Variants in ARAF observed in about 807,000 individuals in gnomAD.
ARAF encodes the protein A-Raf proto-oncogene, serine/threonine kinase.
In ARAF, 18 loss-of-function variants were observed where a neutral mutation model predicts 48.0. The observed-to-expected ratio is 0.37, with a 90% CI of 0.26 to 0.56. ARAF has a LOEUF of 0.56. Among genes scored for constraint, ARAF ranks in the 20% least tolerant of loss-of-function variants. The probability of loss-of-function intolerance (pLI) is 0.77; values close to 1 mark genes in which losing one functional copy is unlikely to be tolerated. For synonymous variants in ARAF, 207 were observed against 220.1 expected, an observed-to-expected ratio of 0.94 and a Z score of 0.53; for missense variants, 389 against 543.1, an observed-to-expected ratio of 0.72 and a Z score of 2.82.
At chrX:47,568,661 T>G (rs2147907807) in intron 10 of ARAF, 57 bp from the exon 11 acceptor site, 7 of 1,138,057 alleles carry the variant, frequency 6.2e-6, no homozygotes, top group Non-Finnish European at 8.4e-6. Flanking sequence ...TGATGCTCGG[T>G]AAGTGACAGT....
rs922934473 is a variant in ARAF, at chrX:47,571,797, A to AT, written c.*344dup. ...TTGTGCCTGATGTGCCTTCCACTGG[A>AT]TTTTGGGGTTCCCAGCACCCCATGT... On this transcript the variant is annotated 3_prime_UTR_variant, in exon 16 of 16. Coordinates refer to ENST00000377045, the MANE Select transcript of ARAF (RefSeq NM_001654.5). The AT allele has an allele frequency of 1.7e-5, 4 of 233,651 alleles. No individual in the cohort carries two copies. The highest frequency in any genetic ancestry group is 1.1e-4 in the African/African-American group (4 of 35,195). 19.3% of individuals were successfully genotyped at this position (233,651 alleles called of 1,213,427 possible).
At chrX:47,563,142 G>A (rs1200147015) in intron 2 of ARAF, 79 bp downstream of exon 2, 1 of 1,148,618 alleles carries the variant, frequency 8.7e-7, no homozygotes, top group Non-Finnish European at 1.2e-6. Flanking sequence ...GACAACGGTT[G>A]GGGGAGGCCT....
rs760426547 is a variant in ARAF at position 47,569,348 on chromosome X, G to A, written c.1301-191G>A. 155 of 469,572 alleles carry A rather than the reference G, an allele frequency of 3.3e-4. 1 individual carries two copies. Among genetic ancestry groups the A allele is most frequent in the Non-Finnish European group, 5.2e-4 (141 of 270,462 alleles). 38.7% of individuals were successfully genotyped at this position (469,572 alleles called of 1,213,427 possible). On this transcript the variant is annotated intron_variant, in intron 12 of 15. Coordinates refer to ENST00000377045, the MANE Select transcript of ARAF (RefSeq NM_001654.5). ...GGGCTTCCTGTTCAGGAGTCACAGC[G>A]GGGCTGAGTGTGGGGGGCATTAGCA...
At chrX:47,566,851 C>T (rs2147905946) in intron 7 of ARAF, 33 bp from the exon 8 acceptor site, 1 of 1,211,794 alleles carries the variant, frequency 8.3e-7, no homozygotes, top group Non-Finnish European at 1.1e-6. Context: ...GGCCTCCATG[C>T]CCTCTTTTTG....
At chrX:47,567,581 C>T in intron 10 of ARAF, 149 bp downstream of exon 10, 5 of 623,040 alleles carry the variant, frequency 8.0e-6, no homozygotes, top group Non-Finnish European at 1.2e-5. Context: ...GAAGGGTGTC[C>T]CTTTCCCCTC....
chrX:47,567,768 C>T (rs1251175423), intron 10 of ARAF, among the ~76,000 whole-genome samples: 1 of 110,645 alleles, frequency 9.0e-6, no homozygotes, highest in Non-Finnish European at 1.9e-5. Flanking sequence ...TCTTTCCTTC[C>T]CCTCTGCTTG....
At chrX:47,565,219 G>A in intron 5 of ARAF, 33 bp from the exon 6 acceptor site, 1 of 1,209,959 alleles carries the variant, frequency 8.3e-7, no homozygotes, top group Non-Finnish European at 1.1e-6. Context: ...GCTGACCCGT[G>A]TCCCCTTGCT....
At chrX:47,562,155 C>G (rs1304176017) in intron 1 of ARAF, among the ~76,000 whole-genome samples, 1 of 110,117 alleles carries the variant, frequency 9.1e-6, no homozygotes, top group East Asian at 2.9e-4. Flanking sequence ...TGATAATCCT[C>G]TCTTTCCCAT....
intron 12 of ARAF, among the ~76,000 whole-genome samples, chrX:47,569,264 A>C (rs1272264299): frequency 1.8e-5 from 2 of 111,632 alleles, no homozygotes; most frequent in Non-Finnish European, 3.8e-5. Context: ...GATGTCTGAC[A>C]GTTGTGGAGG....
chrX:47,565,911 A>G (rs1408571612), intron 6 of ARAF: 1 of 160,811 alleles, frequency 6.2e-6, no homozygotes, highest in Non-Finnish European at 1.0e-5. Context: ...ACATAATTTT[A>G]TATAATGTAG....
chrX:47,567,218 T>C lies in ARAF; in HGVS notation c.874-12T>C. On this transcript the variant is annotated splice_polypyrimidine_tract_variant and intron_variant, in intron 9 of 15. Transcript: ENST00000377045. ...GGGCAGGCCTCTTAGATGCCACCCA[T>C]CTGGCCCACAGAAGAACCTGGGGTA... 8.3e-7 allele frequency: 1 copy of C among 1,211,408 alleles called. No individual in the cohort carries two copies. The highest frequency in any genetic ancestry group is 1.1e-6 in the Non-Finnish European group (1 of 895,293).
chrX:47,571,462 C>G lies in ARAF; in HGVS notation c.*5C>G, dbSNP rs766393500. On this transcript the variant is annotated 3_prime_UTR_variant, in exon 16 of 16. Coordinates refer to ENST00000377045, the MANE Select transcript of ARAF (RefSeq NM_001654.5). ...GCAGCCCGCCTTGTGCCTTAGGCCCCGCCCAAGCCACCAGGGAGCCAATCT... is the reference window on the plus strand; with the variant it reads ...GCAGCCCGCCTTGTGCCTTAGGCCCGGCCCAAGCCACCAGGGAGCCAATCT... 20 of 1,197,715 alleles carry G rather than the reference C, an allele frequency of 1.7e-5. No homozygotes were observed. The South Asian group carries it at 3.3e-4, about 20-fold the overall frequency.
rs1264742520 is a variant in ARAF at position 47,569,943 on chromosome X, A to G, written c.1470A>G (p.Ser490=). 1 of 1,206,109 alleles carries G rather than the reference A, an allele frequency of 8.3e-7. No homozygotes were observed. Among genetic ancestry groups the G allele is most frequent in the South Asian group, 1.8e-5 (1 of 56,012 alleles). Residue 490 remains serine, a synonymous_variant, in exon 14 of 16, where the codon TCA becomes TCG. Transcript: ENST00000377045. ...MQDPNPYSFQ[S]DVYAYGVVLY... ...ACCCGAACCCCTACAGCTTCCAGTC[A>G]GACGTCTATGCCTACGGGGTTGTGC... is the stretch of plus-strand genomic sequence containing the variant.
At chrX:47,565,824 A>G in intron 6 of ARAF, 2 of 147,478 alleles carry the variant, frequency 1.4e-5, no homozygotes, top group Non-Finnish European at 2.3e-5. Flanking sequence ...CTATATTAAA[A>G]TATATTATTG....
At chrX:47,565,519 C>G (rs977874873) in intron 6 of ARAF, 169 bp downstream of exon 6, 6 of 813,936 alleles carry the variant, frequency 7.4e-6, no homozygotes, top group Non-Finnish European at 1.0e-5. Flanking sequence ...CCTCATTTCT[C>G]TGGGCCTCAG....
chrX:47,568,387 A>G (rs1022093517), intron 10 of ARAF, among the ~76,000 whole-genome samples: 6 of 110,466 alleles, frequency 5.4e-5, no homozygotes, highest in African/African-American at 1.7e-4. Context: ...AGACCCAGGT[A>G]ATGGTCAGAG....
intron 3 of ARAF, among the ~76,000 whole-genome samples, chrX:47,564,394 C>T (rs944935772): frequency 1.8e-5 from 2 of 112,095 alleles, no homozygotes; most frequent in Non-Finnish European, 3.8e-5. Flanking sequence ...ATTCCTCTCT[C>T]GTGGGTTTCC....
At position 47,565,291 on chromosome X, in the gene ARAF, A is replaced by T. The variant is rs146376823; in HGVS notation, c.498A>T (p.Arg166Ser). 1.7e-6 allele frequency: 2 copies of T among 1,209,859 alleles called. No homozygotes were observed. Among genetic ancestry groups the T allele is most frequent in the African/African-American group, 3.5e-5 (2 of 57,073 alleles). ...TCCAGGATTTGTCCGGAGGCTCCAG[A>T]CAGCATGAGGCTCCCTCGAACCGCC... ...HSVQDLSGGS[R>S]QHEAPSNRPL... is the part of the protein sequence containing the mutation. The change falls in exon 6 of 16, where the codon AGA becomes AGT. Residue 166 changes from arginine to serine, a missense_variant. By Grantham distance (110) the Arg-to-Ser change is moderately radical. Around this residue, in one of 4 missense-constraint regions of ARAF, gnomAD observed 154 missense variants for 133.6 expected, o/e 1.15. Transcript: ENST00000377045.
rs2057759736 is a variant in ARAF, at chrX:47,571,787, C to T, written c.*330C>T. 4.1e-6 allele frequency: 1 copy of T among 246,585 alleles called. No individual in the cohort carries two copies. The highest frequency in any genetic ancestry group is 7.1e-6 in the Non-Finnish European group (1 of 140,333). 20.3% of individuals were successfully genotyped at this position (246,585 alleles called of 1,213,427 possible). On this transcript the variant is annotated 3_prime_UTR_variant, in exon 16 of 16. Transcript: ENST00000377045. Reference sequence around the variant, plus strand: ...TCTCTGGAATTTGTGCCTGATGTGCCTTCCACTGGATTTTGGGGTTCCCAG... The same window carrying T: ...TCTCTGGAATTTGTGCCTGATGTGCTTTCCACTGGATTTTGGGGTTCCCAG...
Sources: allele counts gnomAD v4.1 joint callset (sites outside exome capture counted in the v4.1 genomes callset), GRCh38; gene constraint gnomAD v4.1.1; regional missense constraint gnomAD v4.1.1; transcripts MANE v1.5; gene names NCBI Gene and HGNC (gene_info 2026-07-23, HGNC 2026-07-21).